TANGO2: variants seen among roughly 807,000 people sequenced by gnomAD.
TANGO2 encodes transport and golgi organization 2 homolog.
In TANGO2, 26 loss-of-function variants were observed where a neutral mutation model predicts 39.1. The observed-to-expected ratio is 0.67, with a 90% CI of 0.49 to 0.92. The LOEUF (loss-of-function observed/expected upper bound fraction) is 0.92, where lower values mean the gene tolerates loss of function less well. TANGO2 is among the 40% of genes least tolerant of loss of function. The pLI is 0.00. For missense variants in TANGO2, 326 were observed against 360.1 expected (o/e 0.91, Z 0.77); for synonymous variants, 131 against 144.5 (o/e 0.91, Z 0.67).
In TANGO2 at chr22:20,060,507, C is replaced by G. The variant is rs2048183393; in HGVS notation, c.452-1023C>G. Among the ~76,000 whole-genome samples, 5 of 152,258 alleles carry G rather than the reference C, an allele frequency of 3.3e-5. No homozygotes were observed. The South Asian group carries it at 1.0e-3, about 32-fold the overall frequency. Reference sequence around the variant, plus strand: ...CTTGAACTCCTGGGCTCCAGTGATCCTCCTGCCCCAGCCTCCCGATGTGCT... The same window carrying G: ...CTTGAACTCCTGGGCTCCAGTGATCGTCCTGCCCCAGCCTCCCGATGTGCT... On this transcript the variant is annotated intron_variant, in intron 6 of 8. Transcript: ENST00000327374.
chr22:20,062,317 C>G (rs2048533259), intron 7 of TANGO2, among the ~76,000 whole-genome samples: 1 of 152,160 alleles, frequency 6.6e-6, no homozygotes, highest in Admixed American at 6.5e-5. Context: ...GATGCCCCAC[C>G]CATCCCTCGC....
At chr22:20,038,683 C>T (rs1165071421) in intron 2 of TANGO2, among the ~76,000 whole-genome samples, 2 of 152,152 alleles carry the variant, frequency 1.3e-5, no homozygotes, top group Admixed American at 1.3e-4. Flanking sequence ...AGCAAATGTG[C>T]GCTGTGTTTT....
In TANGO2 at chr22:20,061,598, T is replaced by C. The variant is rs936315066; in HGVS notation, c.520T>C (p.Phe174Leu). 2.5e-6 allele frequency: 4 copies of C among 1,594,798 alleles called. No individual in the cohort carries two copies. The Admixed American group carries it at 7.0e-5, about 28-fold the overall frequency. The change falls in exon 7 of 9, where the codon TTC becomes CTC. Residue 174 changes from phenylalanine to leucine, a missense_variant. Physicochemically the swap from Phe to Leu is conservative, Grantham distance 22. Transcript: ENST00000327374. ...GAAGCTGTGCTTTGGGAAGCAGCTC[T>C]TCCTGGAGGCTGTGGAACGGAGCCA... ...WRKLCFGKQL[F>L]LEAVERSQAL...
intron 1 of TANGO2, among the ~76,000 whole-genome samples, chr22:20,023,630 G>A (rs1052942568): frequency 3.9e-5 from 6 of 152,186 alleles, no homozygotes; most frequent in African/African-American, 1.4e-4. Flanking sequence ...CGAGGCGGGT[G>A]GATCACGAGG....
chr22:20,033,109 G>T (rs1264182357), intron 1 of TANGO2: 2 of 470,536 alleles, frequency 4.3e-6, no homozygotes, highest in Non-Finnish European at 8.5e-6. Context: ...GCTGGGTTGG[G>T]GGCCGGTGGG....
At chr22:20,055,594 G>T (rs753520304) in intron 5 of TANGO2, 1 of 385,344 alleles carries the variant, frequency 2.6e-6, no homozygotes, top group Non-Finnish European at 4.9e-6. Context: ...AGAGGTTGGT[G>T]ATGTGGGGAT....
At chr22:20,058,883 G>C (rs1029486885) in intron 6 of TANGO2, among the ~76,000 whole-genome samples, 2 of 152,140 alleles carry the variant, frequency 1.3e-5, no homozygotes, top group Non-Finnish European at 2.9e-5. Flanking sequence ...GGGGACCCGA[G>C]AACATATGCA....
intron 7 of TANGO2, 124 bp downstream of exon 7, chr22:20,061,807 A>G: frequency 8.0e-7 from 1 of 1,245,602 alleles, no homozygotes; most frequent in Non-Finnish European, 1.1e-6. Flanking sequence ...GCTGCAGGGA[A>G]GCTGATGGAT....
At position 20,065,678 on chromosome 22, in the gene TANGO2, C is replaced by G. The variant is rs935817818; in HGVS notation, c.*1016C>G. ...TCATAACAGAAGTGCAGACTCATTG[C>G]TAGATTCAGTGCCCTTGAGTGTGCC... On this transcript the variant is annotated 3_prime_UTR_variant, in exon 9 of 9. Transcript: ENST00000327374. 6.6e-6 allele frequency: 1 copy of G among 152,254 alleles called. No homozygotes were observed. The highest frequency in any genetic ancestry group is 2.4e-5 in the African/African-American group (1 of 41,448). 9.4% of individuals were successfully genotyped at this position (152,254 alleles called of 1,614,324 possible).
At position 20,052,450 on chromosome 22, in the gene TANGO2, T is replaced by C. The variant is rs758405376; in HGVS notation, c.146-15T>C. 35 of 1,590,590 alleles carry C rather than the reference T, an allele frequency of 2.2e-5. No homozygotes were observed. Among genetic ancestry groups the C allele is most frequent in the Middle Eastern group, 1.7e-4 (1 of 5,984 alleles). On this transcript the variant is annotated splice_polypyrimidine_tract_variant and intron_variant, in intron 3 of 8. Transcript: ENST00000327374. ...TGGGTGGCATCAATGGTGGTAACAC[T>C]GTCATCTGCCACAGGGCTGGACATG... is the stretch of plus-strand genomic sequence containing the variant.
In TANGO2 at chr22:20,061,942, T is replaced by C. The variant is rs2286483; in HGVS notation, c.605+259T>C. ...GGGAGGCTCAGTGCACCCAGAGGCT[T>C]GATGCAGCCACGTGGGGCCCAGAGC... is the stretch of plus-strand genomic sequence containing the variant. On this transcript the variant is annotated intron_variant, in intron 7 of 8. Transcript: ENST00000327374. 68,461 of 471,874 alleles carry C rather than the reference T, an allele frequency of 0.15. 7,588 individuals carry two copies. Among genetic ancestry groups the C allele is most frequent in the East Asian group, 0.45 (12,121 of 27,182 alleles). The allele number at this position is 471,874 out of a possible 1,614,324, so 29.2% of individuals were successfully genotyped here. A position where few individuals can be genotyped will look rare whatever the true frequency, so the allele number is the denominator to read the frequency against.
Position 20,021,546 on chromosome 22 carries a change from G to C in TANGO2, c.-40+300G>C, listed in dbSNP as rs1432373421. Among the ~76,000 whole-genome samples, 3 of 152,348 alleles carry C rather than the reference G, an allele frequency of 2.0e-5. No individual in the cohort carries two copies. In the East Asian group the frequency reaches 5.8e-4, roughly 29 times the overall value. The stretch of plus-strand genomic sequence containing the variant: ...GCATCAGGGACAGCTCTGGCGCCCG[G>C]TCACTCTGCCCCCTACCCGCGGCCT... On this transcript the variant is annotated intron_variant, in intron 1 of 8. Transcript: ENST00000327374.
At chr22:20,034,082 G>C (rs904149419) in intron 1 of TANGO2, among the ~76,000 whole-genome samples, 1 of 152,220 alleles carries the variant, frequency 6.6e-6, no homozygotes, top group Admixed American at 6.5e-5. Flanking sequence ...GCGCATGCCT[G>C]TAATCCCAGC....
Position 20,036,649 on chromosome 22 carries a change from G to C in TANGO2, c.-39-111G>C. On this transcript the variant is annotated intron_variant, in intron 1 of 8. Coordinates refer to ENST00000327374, the MANE Select transcript of TANGO2 (RefSeq NM_152906.7). Reference sequence around the variant, plus strand: ...TGTCCAGTTCCCCCACACCCAGCAAGTAGTACAGACACCACAGAGGTGGTT... The same window carrying C: ...TGTCCAGTTCCCCCACACCCAGCAACTAGTACAGACACCACAGAGGTGGTT... 3.3e-6 allele frequency: 3 copies of C among 901,870 alleles called. No homozygotes were observed. The South Asian group carries it at 4.5e-5, about 14-fold the overall frequency. 55.9% of individuals were successfully genotyped at this position (901,870 alleles called of 1,614,324 possible).
intron 1 of TANGO2, among the ~76,000 whole-genome samples, chr22:20,023,434 G>A (rs995814226): frequency 1.3e-5 from 2 of 152,350 alleles, no homozygotes; most frequent in Admixed American, 1.3e-4. Flanking sequence ...CTTGCTGTCT[G>A]CTCACGATGC....
chr22:20,048,888 G>C (rs2045767531), intron 3 of TANGO2, among the ~76,000 whole-genome samples: 1 of 152,136 alleles, frequency 6.6e-6, no homozygotes, highest in Non-Finnish European at 1.5e-5. Flanking sequence ...CTCTTGATCT[G>C]CCTGCCTTGG....
chr22:20,028,845 CT>C (rs752434923), intron 1 of TANGO2, among the ~76,000 whole-genome samples: 4 of 152,336 alleles, frequency 2.6e-5, no homozygotes, highest in Admixed American at 6.5e-5. Context: ...CCTCGTCCCC[CT>C]TGCTTCTTTT....
intron 3 of TANGO2, among the ~76,000 whole-genome samples, chr22:20,043,975 G>A (rs140556116): frequency 9.9e-5 from 15 of 152,262 alleles, no homozygotes; most frequent in Admixed American, 2.0e-4. Context: ...AGAAGTAGGG[G>A]TGAGAACCAG....
rs568130776 is a variant in TANGO2, at chr22:20,065,038, T to G, written c.*376T>G. The G allele has an allele frequency of 2.1e-4, 50 of 240,474 alleles. No homozygotes were observed. Among genetic ancestry groups the G allele is most frequent in the Middle Eastern group, 1.5e-3 (1 of 674 alleles). 14.9% of individuals were successfully genotyped at this position (240,474 alleles called of 1,614,324 possible). A position where few individuals can be genotyped will look rare whatever the true frequency, so the allele number is the denominator to read the frequency against. The stretch of plus-strand genomic sequence containing the variant: ...ATACATGGACACCGACACAGGCACA[T>G]GTACGTGCACAGGTGTGCTACACAT... On this transcript the variant is annotated 3_prime_UTR_variant, in exon 9 of 9. Coordinates refer to ENST00000327374, the MANE Select transcript of TANGO2 (RefSeq NM_152906.7).
Sources: allele counts gnomAD v4.1 joint callset (sites outside exome capture counted in the v4.1 genomes callset), GRCh38; gene constraint gnomAD v4.1.1; transcripts MANE v1.5; gene names NCBI Gene and HGNC (gene_info 2026-07-23, HGNC 2026-07-21).